DAAM1: variants seen among roughly 807,000 people sequenced by gnomAD.
DAAM1 encodes the protein disheveled-associated activator of morphogenesis 1.
DAAM1 carries 52 observed loss-of-function variants against 130.0 expected under a neutral mutation model. That is an observed-to-expected ratio of 0.40 (90% CI 0.32 to 0.50). DAAM1 has a LOEUF of 0.50. Ranked by LOEUF, DAAM1 falls within the 20% of genes least tolerant of loss-of-function variation. The probability of loss-of-function intolerance (pLI) is 0.61; values close to 1 mark genes in which losing one functional copy is unlikely to be tolerated. For missense variants in DAAM1, 1,134 were observed against 1,303.8 expected (o/e 0.87, Z 2.01); for synonymous variants, 452 against 444.5 (o/e 1.02, Z -0.21).
At chr14:59,256,688 C>T (rs956803450) in intron 1 of DAAM1, among the ~76,000 whole-genome samples, 5 of 152,242 alleles carry the variant, frequency 3.3e-5, no homozygotes, top group Middle Eastern at 3.4e-3. Flanking sequence ...AAAAAGAGAC[C>T]GATATGGAAA....
chr14:59,347,834 T>C (rs1295068406), intron 17 of DAAM1, among the ~76,000 whole-genome samples: 1 of 152,146 alleles, frequency 6.6e-6, no homozygotes, highest in East Asian at 1.9e-4. Flanking sequence ...GAAGATCAAG[T>C]TTGTCAAATG....
chr14:59,332,884 GGGGCTTTCCTT>G lies in DAAM1; in HGVS notation c.1968+972_1968+982del, dbSNP rs1195168090. 1.5e-4 allele frequency among the ~76,000 whole-genome samples: 23 copies of G among 152,160 alleles called. 1 individual carries two copies. The highest frequency in any genetic ancestry group is 8.5e-4 in the Admixed American group (13 of 15,298). On this transcript the variant is annotated intron_variant, in intron 15 of 24. Coordinates refer to ENST00000360909, the MANE Select transcript of DAAM1 (RefSeq NM_001270520.2). ...AACACACGAATGCTGGGCCTCTTAC[GGGGCTTTCCTT>G]GGGCTTTACTGAGAGGCCCTTAACT...
intron 15 of DAAM1, among the ~76,000 whole-genome samples, chr14:59,339,416 A>G (rs1225635456): frequency 6.6e-6 from 1 of 152,182 alleles, no homozygotes; most frequent in Non-Finnish European, 1.5e-5. Flanking sequence ...GGTCTGTTCC[A>G]CCTGAAATTA....
intron 1 of DAAM1, among the ~76,000 whole-genome samples, chr14:59,246,028 C>T (rs982493685): frequency 6.6e-6 from 1 of 152,128 alleles, no homozygotes; most frequent in Non-Finnish European, 1.5e-5. Flanking sequence ...ACTTAAAGTG[C>T]ATTGAAAGTG....
intron 1 of DAAM1, among the ~76,000 whole-genome samples, chr14:59,223,291 G>A (rs1888834544): frequency 6.6e-6 from 1 of 152,194 alleles, no homozygotes; most frequent in Non-Finnish European, 1.5e-5. Context: ...TGGCTTGGTT[G>A]ATCATATAAT....
At chr14:59,360,644 A>G (rs1886670655) in intron 21 of DAAM1, 158 bp from the exon 22 acceptor site, 2 of 489,878 alleles carry the variant, frequency 4.1e-6, no homozygotes, top group Non-Finnish European at 6.8e-6. Context: ...ATGAGTTTAA[A>G]ATACTGTTGT....
In DAAM1 at chr14:59,358,375, C is replaced by G. The variant is rs148465428; in HGVS notation, c.2526-1022C>G. Among the ~76,000 whole-genome samples the G allele has an allele frequency of 4.7e-4, 71 of 152,344 alleles. No homozygotes were observed. The East Asian group carries it at 0.013, about 27-fold the overall frequency. On this transcript the variant is annotated intron_variant, in intron 20 of 24. Coordinates refer to ENST00000360909, the MANE Select transcript of DAAM1 (RefSeq NM_001270520.2). ...CCAGAGAGGGAGCTGGCACAACCAA[C>G]TGTTTTAACTACTAAGAGTTATGCA...
chr14:59,200,657 A>G (rs1234471255), intron 1 of DAAM1, among the ~76,000 whole-genome samples: 2 of 152,236 alleles, frequency 1.3e-5, no homozygotes, highest in South Asian at 2.1e-4. Flanking sequence ...AAGGAAGCAT[A>G]TATTTTCATA....
chr14:59,305,667 A>G (rs1884350364), intron 3 of DAAM1, among the ~76,000 whole-genome samples: 1 of 152,172 alleles, frequency 6.6e-6, no homozygotes, highest in South Asian at 2.1e-4. Flanking sequence ...TGTTCAGGAA[A>G]GAAGAGGGTG....
intron 2 of DAAM1, among the ~76,000 whole-genome samples, chr14:59,286,615 C>T (rs967713261): frequency 3.0e-4 from 46 of 152,012 alleles, no homozygotes; most frequent in South Asian, 8.3e-4. Flanking sequence ...ACTGACCCCA[C>T]GGAAACAAAC....
At chr14:59,262,939 A>G (rs1044092868) in intron 1 of DAAM1, among the ~76,000 whole-genome samples, 1 of 152,236 alleles carries the variant, frequency 6.6e-6, no homozygotes, top group East Asian at 1.9e-4. Context: ...AGACACACTC[A>G]TAAAGAGCTT....
chr14:59,209,808 A>G (rs950849642), intron 1 of DAAM1, among the ~76,000 whole-genome samples: 2 of 152,144 alleles, frequency 1.3e-5, no homozygotes, highest in Non-Finnish European at 2.9e-5. Flanking sequence ...TATATGACCA[A>G]ATCATCCTCA....
At position 59,331,811 on chromosome 14, in the gene DAAM1, A is replaced by G; in HGVS notation, c.1861-2A>G. On this transcript the variant is annotated splice_acceptor_variant, in intron 14 of 24. Transcript: ENST00000360909. LOFTEE classifies it high-confidence loss of function. ...TAGCACTTATTACATTGATGTTTCT[A>G]GAACAAACTGGAAGGAACAGTATGG... 1 of 1,612,624 alleles carries G rather than the reference A, an allele frequency of 6.2e-7. No homozygotes were observed.
intron 2 of DAAM1, among the ~76,000 whole-genome samples, chr14:59,284,547 G>A (rs936626507): frequency 2.6e-5 from 4 of 152,232 alleles, no homozygotes; most frequent in Admixed American, 1.3e-4. Flanking sequence ...TACAAGAGAA[G>A]GTTGAAACCC....
chr14:59,239,420 G>A (rs1449200956), intron 1 of DAAM1, among the ~76,000 whole-genome samples: 4 of 152,070 alleles, frequency 2.6e-5, no homozygotes, highest in Admixed American at 2.6e-4. Context: ...AAAAGAGAGA[G>A]GTGTAGCTAG....
intron 17 of DAAM1, among the ~76,000 whole-genome samples, chr14:59,349,175 C>T (rs4901916): frequency 1.3e-5 from 2 of 152,082 alleles, no homozygotes; most frequent in African/African-American, 4.8e-5. Flanking sequence ...CGAGTTGCTG[C>T]ACCCAATGTG....
At position 59,359,488 on chromosome 14, in the gene DAAM1, CAAGCTGCGA is replaced by C; in HGVS notation, c.2621_2629del (p.Ala874_Lys876del). The C allele has an allele frequency of 6.2e-7, 1 of 1,613,352 alleles. No homozygotes were observed. The highest frequency in any genetic ancestry group is 8.5e-7 in the Non-Finnish European group (1 of 1,179,400). On this transcript the variant is annotated inframe_deletion, in exon 21 of 25. Coordinates refer to ENST00000360909, the MANE Select transcript of DAAM1 (RefSeq NM_001270520.2). ...AAATGAAGAATTGCGAGATATTCCT[CAAGCTGCGA>C]AAGTAAAGTAAGTACTTACAGTGAG...
At chr14:59,240,199 T>A (rs1889433766) in intron 1 of DAAM1, among the ~76,000 whole-genome samples, 2 of 152,196 alleles carry the variant, frequency 1.3e-5, no homozygotes, top group Admixed American at 6.5e-5. Flanking sequence ...TTTATGTCCT[T>A]GCTGACCGCC....
At chr14:59,224,766 T>G (rs1489734341) in intron 1 of DAAM1, among the ~76,000 whole-genome samples, 1 of 152,252 alleles carries the variant, frequency 6.6e-6, no homozygotes, top group Non-Finnish European at 1.5e-5. Flanking sequence ...ATCTGTATGT[T>G]AAATCTTAAT....
Sources: allele counts gnomAD v4.1 joint callset (sites outside exome capture counted in the v4.1 genomes callset), GRCh38; gene constraint gnomAD v4.1.1; transcripts MANE v1.5; gene names NCBI Gene and HGNC (gene_info 2026-07-23, HGNC 2026-07-21).